The following GRID2 variants were observed in gnomAD, a reference collection of about 807,000 sequenced individuals.
GRID2 encodes the protein glutamate receptor ionotropic, delta-2.
A neutral mutation model predicts 114.8 loss-of-function variants in GRID2; 33 were observed. The observed-to-expected ratio is 0.29, with a 90% CI of 0.22 to 0.38. GRID2 has a LOEUF of 0.38. GRID2 is among the 10% of genes least tolerant of loss of function. The probability of loss-of-function intolerance (pLI) is 1.00; values close to 1 mark genes in which losing one functional copy is unlikely to be tolerated. For synonymous variants in GRID2, 505 were observed against 449.9 expected (o/e 1.12, Z -1.55); for missense variants, 1,184 against 1,257.7 (o/e 0.94, Z 0.89).
chr4:93,098,507 G>C (rs1731422644), intron 3 of GRID2, among the ~76,000 whole-genome samples: 1 of 151,978 alleles, frequency 6.6e-6, no homozygotes, highest in Admixed American at 6.6e-5. Flanking sequence ...AAAGTTATAA[G>C]AGGAGGTGCT....
At chr4:93,366,975 C>T (rs1385386507) in intron 8 of GRID2, among the ~76,000 whole-genome samples, 1 of 151,836 alleles carries the variant, frequency 6.6e-6, no homozygotes, top group Non-Finnish European at 1.5e-5. Context: ...GTTATGCATA[C>T]TCAAAGGAAT....
chr4:93,085,163 G>A lies in GRID2; in HGVS notation c.413G>A (p.Arg138Lys). The change falls in exon 3 of 16, where the codon AGG (arginine) becomes AAG (lysine). Residue 138 changes from arginine to lysine, a missense_variant. Transcript: ENST00000282020. ...RSGCGLTRSN[R>K]NDDYTLSVRP... is the part of the protein sequence containing the mutation. ...GGCTGTGGACTCACCCGGAGCAACAGGAATGATGACTACACTCTCTCAGTT... is the reference window on the plus strand; with the variant it reads ...GGCTGTGGACTCACCCGGAGCAACAAGAATGATGACTACACTCTCTCAGTT... 1 of 1,614,048 alleles carries A rather than the reference G, an allele frequency of 6.2e-7. No homozygotes were observed. Among genetic ancestry groups the A allele is most frequent in the Non-Finnish European group, 8.5e-7 (1 of 1,179,994 alleles).
chr4:93,281,305 C>T (rs373669624), intron 8 of GRID2, among the ~76,000 whole-genome samples: 1 of 151,532 alleles, frequency 6.6e-6, no homozygotes, highest in Admixed American at 6.6e-5. Context: ...TAAGGTTCTG[C>T]GGTGGCCTAA....
intron 1 of GRID2, among the ~76,000 whole-genome samples, chr4:92,405,822 A>G (rs1212678490): frequency 2.0e-5 from 3 of 152,122 alleles, no homozygotes; most frequent in African/African-American, 7.2e-5. Flanking sequence ...TATAAATCAT[A>G]TATGAATTAG....
intron 2 of GRID2, among the ~76,000 whole-genome samples, chr4:92,768,825 A>G (rs1052930815): frequency 5.3e-5 from 8 of 152,156 alleles, no homozygotes; most frequent in African/African-American, 1.9e-4. Flanking sequence ...CCATAATTCA[A>G]TCACCTCCCA....
At chr4:92,330,437 A>G (rs1342420439) in intron 1 of GRID2, among the ~76,000 whole-genome samples, 2 of 152,102 alleles carry the variant, frequency 1.3e-5, no homozygotes, top group Non-Finnish European at 2.9e-5. Context: ...TGGAATGTCC[A>G]CAAGGCACAG....
At chr4:93,126,202 G>T (rs1734246872) in intron 4 of GRID2, among the ~76,000 whole-genome samples, 1 of 152,000 alleles carries the variant, frequency 6.6e-6, no homozygotes, top group Non-Finnish European at 1.5e-5. Flanking sequence ...ATTATAGTTA[G>T]ACTACATGTT....
chr4:93,518,380 T>A (rs2149494820), intron 13 of GRID2, among the ~76,000 whole-genome samples: 1 of 151,672 alleles, frequency 6.6e-6, no homozygotes, highest in Non-Finnish European at 1.5e-5. Context: ...ACTAGACAAA[T>A]TTTTTTTTCT....
At chr4:93,048,358 G>A (rs887884099) in intron 2 of GRID2, among the ~76,000 whole-genome samples, 5 of 151,854 alleles carry the variant, frequency 3.3e-5, no homozygotes, top group Admixed American at 1.3e-4. Context: ...AATTTCTTTA[G>A]TTTTCCCTCC....
chr4:92,322,527 T>A (rs1189117512), intron 1 of GRID2, among the ~76,000 whole-genome samples: 1 of 152,198 alleles, frequency 6.6e-6, no homozygotes, highest in Admixed American at 6.6e-5. Flanking sequence ...GTATCTCATG[T>A]AACCTATACA....
At chr4:92,576,898 C>G (rs60280574) in intron 1 of GRID2, among the ~76,000 whole-genome samples, 1 of 152,106 alleles carries the variant, frequency 6.6e-6, no homozygotes, top group Admixed American at 6.5e-5. Context: ...CCTCTTCTTT[C>G]TCTTTGGGCT....
chr4:92,952,271 A>G (rs1025199964), intron 2 of GRID2, among the ~76,000 whole-genome samples: 1 of 152,196 alleles, frequency 6.6e-6, no homozygotes, highest in African/African-American at 2.4e-5. Context: ...AATTTGTAGC[A>G]TCCATACATG....
At chr4:93,075,663 C>T (rs2149310461) in intron 2 of GRID2, among the ~76,000 whole-genome samples, 1 of 151,994 alleles carries the variant, frequency 6.6e-6, no homozygotes, top group African/African-American at 2.4e-5. Context: ...TCCATATTTT[C>T]TGGCAATGAA....
intron 1 of GRID2, among the ~76,000 whole-genome samples, chr4:92,422,488 AT>A (rs1731953600): frequency 6.6e-6 from 1 of 152,038 alleles, no homozygotes; most frequent in Non-Finnish European, 1.5e-5. Context: ...GGAATCAGAG[AT>A]TTTAAGGACA....
Position 93,416,467 on chromosome 4 carries a change from A to T in GRID2, c.1348-6304A>T, listed in dbSNP as rs79111914. On this transcript the variant is annotated intron_variant, in intron 9 of 15. Transcript: ENST00000282020. ...CTTTTTTCTTTAATGTCTTTGAGCT[A>T]CATATGTGAGCAGAATTATAAAGAA... Among the ~76,000 whole-genome samples the T allele has an allele frequency of 6.1e-3, 924 of 152,154 alleles. 7 individuals carry two copies. Among genetic ancestry groups the T allele is most frequent in the African/African-American group, 0.021 (871 of 41,540 alleles).
chr4:92,625,622 T>A (rs1730483267), intron 2 of GRID2, among the ~76,000 whole-genome samples: 1 of 151,752 alleles, frequency 6.6e-6, no homozygotes, highest in Non-Finnish European at 1.5e-5. Flanking sequence ...TTGACAAAAT[T>A]TTTCAGCCCT....
intron 14 of GRID2, among the ~76,000 whole-genome samples, chr4:93,745,032 A>G (rs1731725918): frequency 6.6e-6 from 1 of 152,198 alleles, no homozygotes; most frequent in Non-Finnish European, 1.5e-5. Context: ...TAATGCTATT[A>G]TATTTTTAAT....
chr4:92,590,110 G>A lies in GRID2; in HGVS notation c.89-21G>A, dbSNP rs1329904565. On this transcript the variant is annotated intron_variant, in intron 1 of 15. Coordinates refer to ENST00000282020, the MANE Select transcript of GRID2 (RefSeq NM_001510.4). ...AGAATATTTATGTTATTATTTAATG[G>A]CAAAATTCACTTCTTTCTAGGAGCA... The A allele has an allele frequency of 4.5e-6, 7 of 1,562,072 alleles. No individual in the cohort carries two copies. In the Admixed American group the frequency reaches 5.0e-5, roughly 11 times the overall value.
intron 13 of GRID2, among the ~76,000 whole-genome samples, chr4:93,541,220 G>A (rs1200287888): frequency 2.6e-5 from 4 of 152,214 alleles, no homozygotes; most frequent in East Asian, 1.9e-4. Flanking sequence ...TAGTACATGC[G>A]GACAGTAAAT....
Sources: gnomAD v4.1 joint callset for allele counts (sites outside exome capture counted in the v4.1 genomes callset) on GRCh38, gnomAD v4.1.1 for gene constraint, MANE v1.5 for transcripts, NCBI Gene and HGNC (gene_info 2026-07-23, HGNC 2026-07-21) for gene names.